Variants in SLC17A1 observed in about 807,000 individuals in gnomAD.
SLC17A1 encodes solute carrier family 17 member 1.
SLC17A1 carries 51 observed loss-of-function variants against 53.5 expected under a neutral mutation model. The observed-to-expected ratio is 0.95, with a 90% CI of 0.76 to 1.20. The LOEUF (loss-of-function observed/expected upper bound fraction) is 1.20. SLC17A1 is among the 50% of genes most tolerant of loss of function. The probability of loss-of-function intolerance (pLI) is 0.00; values close to 1 mark genes in which losing one functional copy is unlikely to be tolerated. For missense variants in SLC17A1, 538 were observed against 568.2 expected (o/e 0.95, Z 0.54); for synonymous variants, 179 against 198.8 (o/e 0.90, Z 0.84).
chr6:25,779,218 G>C, downstream of SLC17A1: 1 of 1,610,732 alleles, frequency 6.2e-7, no homozygotes, highest in Non-Finnish European at 8.5e-7. Flanking sequence ...AGATCCTGGT[G>C]CTTAGTTCAT....
the SLC17A1 span, chr6:25,731,817 G>C: frequency 2.0e-5 from 32 of 1,601,234 alleles, no homozygotes; most frequent in Non-Finnish European, 2.7e-5. Flanking sequence ...GACAGCCTTG[G>C]TGCCCTCCGA....
intron 12 of SLC17A1, among the ~76,000 whole-genome samples, chr6:25,786,868 C>T (rs140962025): frequency 3.3e-5 from 5 of 152,170 alleles, no homozygotes; most frequent in African/African-American, 9.6e-5. Context: ...GGAGAAGGTC[C>T]GCCTGCAGCT....
downstream of SLC17A1, chr6:25,780,825 A>T (rs759130520): frequency 3.9e-5 from 6 of 152,192 alleles, no homozygotes; most frequent in Non-Finnish European, 8.8e-5. Context: ...GATTTAGGGA[A>T]TAAACCTGAC....
chr6:25,749,643 C>G, the SLC17A1 span, among the ~76,000 whole-genome samples: 4 of 152,078 alleles, frequency 2.6e-5, no homozygotes, highest in African/African-American at 9.6e-5. Context: ...ATCTGGTATA[C>G]CAGTTCAATA....
At chr6:25,730,930 T>C in the SLC17A1 span, among the ~76,000 whole-genome samples, 1 of 152,182 alleles carries the variant, frequency 6.6e-6, no homozygotes. Context: ...AATTACCATA[T>C]CTTGAGAGAC....
chr6:25,768,896 ACAGATACCAAT>A, the SLC17A1 span: 1 of 1,208,832 alleles, frequency 8.3e-7, no homozygotes, highest in Non-Finnish European at 1.2e-6. Context: ...TGCATCTCAG[ACAGATACCAAT>A]CTTCTCCTTC....
At chr6:25,727,197 C>CA in the SLC17A1 span, 1 of 1,614,184 alleles carries the variant, frequency 6.2e-7, no homozygotes. Context: ...CAGAGAGATT[C>CA]AGACAGCAGT....
At chr6:25,801,736 G>C (rs1763767915) in intron 10 of SLC17A1, among the ~76,000 whole-genome samples, 1 of 152,110 alleles carries the variant, frequency 6.6e-6, no homozygotes, top group Non-Finnish European at 1.5e-5. Context: ...TATTTCCCTA[G>C]TCTTTCCCAT....
chr6:25,761,934 A>G, the SLC17A1 span: 1 of 1,570,986 alleles, frequency 6.4e-7, no homozygotes, highest in African/African-American at 1.4e-5. Context: ...CAGTAAGTAA[A>G]TGCCAGTCCC....
chr6:25,727,124 T>C, the SLC17A1 span: 35 of 1,614,092 alleles, frequency 2.2e-5, no homozygotes, highest in African/African-American at 2.5e-4. Flanking sequence ...CTGATATCTT[T>C]GAGCGTATAG....
At chr6:25,761,960 A>G in the SLC17A1 span, 3 of 1,612,364 alleles carry the variant, frequency 1.9e-6, no homozygotes, top group South Asian at 1.1e-5. Context: ...AGAGAGAACC[A>G]AAATGTCTAC....
At chr6:25,790,317 C>A (rs1763475102) in intron 12 of SLC17A1, among the ~76,000 whole-genome samples, 1 of 152,188 alleles carries the variant, frequency 6.6e-6, no homozygotes, top group South Asian at 2.1e-4. Flanking sequence ...CCGTCCACAA[C>A]ATTATTCACT....
the SLC17A1 span, among the ~76,000 whole-genome samples, chr6:25,738,832 G>C: frequency 6.6e-6 from 1 of 152,146 alleles, no homozygotes; most frequent in Non-Finnish European, 1.5e-5. Context: ...AGACTAGGAT[G>C]AGGTATCACT....
the SLC17A1 span, among the ~76,000 whole-genome samples, chr6:25,738,999 T>C: frequency 6.6e-6 from 1 of 152,186 alleles, no homozygotes; most frequent in Admixed American, 6.5e-5. Context: ...TCAAAACATA[T>C]ACTTACAACA....
chr6:25,827,285 C>G (rs556968328), intron 2 of SLC17A1, among the ~76,000 whole-genome samples: 21 of 152,042 alleles, frequency 1.4e-4, no homozygotes, highest in Non-Finnish European at 2.8e-4. Flanking sequence ...TACAAAACAA[C>G]ACATACAGAA....
the SLC17A1 span, among the ~76,000 whole-genome samples, chr6:25,758,804 G>T: frequency 6.6e-6 from 1 of 151,752 alleles, no homozygotes; most frequent in Non-Finnish European, 1.5e-5. Flanking sequence ...ACTTAGTTTT[G>T]CTCTGATCTT....
the SLC17A1 span, among the ~76,000 whole-genome samples, chr6:25,763,245 C>T: frequency 1.3e-5 from 2 of 152,200 alleles, no homozygotes; most frequent in African/African-American, 2.4e-5. Flanking sequence ...TATCAGACAA[C>T]AACTTTGTAA....
chr6:25,768,044 G>A, the SLC17A1 span, among the ~76,000 whole-genome samples: 2 of 152,160 alleles, frequency 1.3e-5, no homozygotes, highest in African/African-American at 2.4e-5. Context: ...TTCTTGACTA[G>A]AAGACAATCC....
chr6:25,727,376 T>C, the SLC17A1 span: 3 of 1,301,238 alleles, frequency 2.3e-6, no homozygotes, highest in Non-Finnish European at 3.1e-6. Context: ...GGCTTCGTTT[T>C]TGTGTAGTTT....
Sources: gnomAD v4.1 joint callset for allele counts (sites outside exome capture counted in the v4.1 genomes callset) on GRCh38, gnomAD v4.1.1 for gene constraint, MANE v1.5 for transcripts, NCBI Gene and HGNC (gene_info 2026-07-23, HGNC 2026-07-21) for gene names.